ZNF790: variants seen among roughly 807,000 people sequenced by gnomAD.
ZNF790 encodes the protein zinc finger protein 790.
In ZNF790, 8 loss-of-function variants were observed where a neutral mutation model predicts 12.1. The ratio of observed to expected loss-of-function variants is 0.66; its 90% CI spans 0.39 to 1.19. The LOEUF is 1.19. ZNF790 is among the 50% of genes most tolerant of loss of function. The probability of loss-of-function intolerance (pLI) is 0.01; values close to 1 mark genes in which losing one functional copy is unlikely to be tolerated. For synonymous variants in ZNF790, 252 were observed against 244.3 expected (o/e 1.03, Z -0.29); for missense variants, 707 against 752.2 (o/e 0.94, Z 0.70).
intron 1 of ZNF790, among the ~76,000 whole-genome samples, chr19:36,847,043 CAG>C (rs35135243): frequency 0.26 from 38,953 of 152,040 alleles, 5,420 homozygotes; most frequent in Non-Finnish European, 0.32. Flanking sequence ...GTTTCCTAAA[CAG>C]AGTATTTTCT....
At position 36,819,918 on chromosome 19, in the gene ZNF790, T is replaced by C; in HGVS notation, c.426A>G (p.Ile142Met). The C allele has an allele frequency of 6.2e-7, 1 of 1,614,170 alleles. No individual in the cohort carries two copies. The highest frequency in any genetic ancestry group is 8.5e-7 in the Non-Finnish European group (1 of 1,180,008). Residue 142 changes from isoleucine (I) to methionine (M), a missense_variant, in exon 5 of 5, where the codon ATA (isoleucine) becomes ATG (methionine). Coordinates refer to ENST00000356725, the MANE Select transcript of ZNF790 (RefSeq NM_206894.4). ...DNQEECFKQV[I>M]RTCEKRPTFN... ...AAGTGGGCCTTTTTTCACAGGTGCG[T>C]ATCACCTGCTTGAAGCATTCCTCTT...
chr19:36,817,652 G>C lies in ZNF790; in HGVS notation c.*781C>G, dbSNP rs1397741180. The C allele has an allele frequency of 7.2e-6, 1 of 139,808 alleles. No homozygotes were observed. Among genetic ancestry groups the C allele is most frequent in the Admixed American group, 7.2e-5 (1 of 13,916 alleles). 8.7% of individuals were successfully genotyped at this position (139,808 alleles called of 1,614,324 possible). The stretch of plus-strand genomic sequence containing the variant: ...TACGATTAAACAGACATAGATTTAA[G>C]ATACTTTCCAAAAAAAAAAAATAGA... On this transcript the variant is annotated 3_prime_UTR_variant, in exon 5 of 5. Coordinates refer to ENST00000356725, the MANE Select transcript of ZNF790 (RefSeq NM_206894.4).
chr19:36,831,310 C>A (rs1157881823), intron 1 of ZNF790, among the ~76,000 whole-genome samples: 3 of 151,704 alleles, frequency 2.0e-5, no homozygotes, highest in Non-Finnish European at 4.4e-5. Flanking sequence ...AAAAGCAGAC[C>A]ACAAGCAAAA....
rs747995547 is a variant in ZNF790, at chr19:36,838,129, T to TACACACACAC, written c.-74+198_-74+207dup. On this transcript the variant is annotated intron_variant, in intron 1 of 4. Coordinates refer to ENST00000356725, the MANE Select transcript of ZNF790 (RefSeq NM_206894.4). This position sits in a 1 kb window ranked among gnomAD's most constrained non-coding sequence, Gnocchi z 4.4. ...GCGCACACACACACACACACACACA[T>TACACACACAC]ACACACACACACACACAAGCTCCCG... The TACACACACAC allele has an allele frequency of 2.9e-3, 190 of 66,434 alleles. 2 individuals carry two copies. Among genetic ancestry groups the TACACACACAC allele is most frequent in the African/African-American group, 0.011 (182 of 15,986 alleles). The allele number at this position is 66,434 out of a possible 1,614,324, so 4.1% of individuals were successfully genotyped here.
intron 1 of ZNF790, among the ~76,000 whole-genome samples, chr19:36,828,587 C>A (rs759428265): frequency 8.5e-5 from 13 of 152,180 alleles, no homozygotes; most frequent in Non-Finnish European, 1.9e-4. Flanking sequence ...AGCGATCCTT[C>A]CACCTCAGTC....
In ZNF790 at chr19:36,818,456, A is replaced by C. The variant is rs750152205; in HGVS notation, c.1888T>G (p.Ser630Ala). The change falls in exon 5 of 5, where the codon TCT (serine) becomes GCT (alanine). Residue 630 changes from serine (S) to alanine (A), a missense_variant. Physicochemically the swap from Ser to Ala is moderately conservative, Grantham distance 99. Coordinates refer to ENST00000356725, the MANE Select transcript of ZNF790 (RefSeq NM_206894.4). ...TTTCACAAGAGTGAAATGAAGTGAGAGCTTGAAGAAAATGCTTTCTCAAAA... is the reference window on the plus strand; with the variant it reads ...TTTCACAAGAGTGAAATGAAGTGAGCGCTTGAAGAAAATGCTTTCTCAAAA... The part of the protein sequence containing the change: ...KDFEKAFSSS[S>A]HFISLL 3 of 1,560,908 alleles carry C rather than the reference A, an allele frequency of 1.9e-6. No homozygotes were observed. The highest frequency in any genetic ancestry group is 2.6e-6 in the Non-Finnish European group (3 of 1,150,538).
intron 2 of ZNF790, 145 bp downstream of exon 2, chr19:36,825,466 A>G (rs536268393): frequency 4.9e-4 from 440 of 892,010 alleles, no homozygotes; most frequent in Non-Finnish European, 7.5e-4. Flanking sequence ...AGGGATATCT[A>G]GGGAAAGCAT....
At chr19:36,822,106 A>G (rs1036738538) in intron 4 of ZNF790, among the ~76,000 whole-genome samples, 2 of 152,200 alleles carry the variant, frequency 1.3e-5, no homozygotes, top group African/African-American at 4.8e-5. Context: ...TTAAGAGACA[A>G]TATATTCTTG....
chr19:36,841,827 G>C (rs934357341), upstream of ZNF790, among the ~76,000 whole-genome samples: 3 of 128,276 alleles, frequency 2.3e-5, no homozygotes, highest in African/African-American at 8.7e-5. Flanking sequence ...GCAGCCTGGA[G>C]GACATAGCAA....
At chr19:36,850,670 A>G (rs1225941062), upstream of ZNF790, 1 of 151,904 alleles carries the variant, frequency 6.6e-6, no homozygotes, top group Non-Finnish European at 1.5e-5. Flanking sequence ...GTCAGGTGAG[A>G]CTCCCGGAAG....
intron 1 of ZNF790, among the ~76,000 whole-genome samples, chr19:36,847,119 G>A (rs765698082): frequency 1.3e-5 from 2 of 152,096 alleles, no homozygotes; most frequent in Non-Finnish European, 2.9e-5. Context: ...ACTTTGAGAG[G>A]CCAAGGCAGG....
chr19:36,828,580 G>A (rs1396580703), intron 1 of ZNF790, among the ~76,000 whole-genome samples: 2 of 152,158 alleles, frequency 1.3e-5, no homozygotes, highest in African/African-American at 4.8e-5. Context: ...AGGCTGAAGC[G>A]ATCCTTCCAC....
At chr19:36,822,077 G>A (rs2071685634) in intron 4 of ZNF790, among the ~76,000 whole-genome samples, 1 of 152,096 alleles carries the variant, frequency 6.6e-6, no homozygotes, top group African/African-American at 2.4e-5. Context: ...TCCAATCACA[G>A]AAGAGAACAA....
In ZNF790 at chr19:36,819,714, A is replaced by G. The variant is rs139547170; in HGVS notation, c.630T>C (p.Asp210=). ...DKECGNTFLP[D]SEVIQYQTVH... is the part of the protein sequence containing the mutation. ...CTGTCTGATATTGAATAACTTCTGA[A>G]TCAGGAAGAAAGGTATTCCCACATT... The change falls in exon 5 of 5, where the codon GAT becomes GAC. Residue 210 remains aspartate (D), a synonymous_variant. Coordinates refer to ENST00000356725, the MANE Select transcript of ZNF790 (RefSeq NM_206894.4). The G allele has an allele frequency of 1.2e-6, 2 of 1,613,578 alleles. No homozygotes were observed. The highest frequency in any genetic ancestry group is 2.7e-5 in the African/African-American group (2 of 74,930).
chr19:36,823,166 A>G, intron 4 of ZNF790, 119 bp downstream of exon 4: 1 of 846,014 alleles, frequency 1.2e-6, no homozygotes, highest in South Asian at 1.8e-5. Context: ...CACCCGGCCC[A>G]TTTTTTGGTC....
intron 1 of ZNF790, among the ~76,000 whole-genome samples, chr19:36,834,294 C>T (rs1001508539): frequency 2.3e-4 from 34 of 146,480 alleles, no homozygotes; most frequent in African/African-American, 6.1e-4. Flanking sequence ...GCAAACCTTA[C>T]GCTAGGAGAC....
intron 1 of ZNF790, among the ~76,000 whole-genome samples, chr19:36,832,354 A>G (rs1293829279): frequency 1.3e-5 from 2 of 152,186 alleles, no homozygotes; most frequent in African/African-American, 4.8e-5. Flanking sequence ...CCTATACTGA[A>G]TAGGATTAAC....
At chr19:36,823,854 A>C (rs2071731694) in intron 2 of ZNF790, 64 bp from the exon 3 acceptor site, 19 of 1,473,016 alleles carry the variant, frequency 1.3e-5, no homozygotes, top group Non-Finnish European at 1.6e-5. Context: ...TAATCCCTAT[A>C]GATGAAAGGG....
At chr19:36,834,965 T>G (rs1210069941) in intron 1 of ZNF790, among the ~76,000 whole-genome samples, 1 of 152,128 alleles carries the variant, frequency 6.6e-6, no homozygotes, top group East Asian at 1.9e-4. Context: ...AACAACAACT[T>G]TCATAAAGCA....
Sources: gnomAD v4.1 joint callset for allele counts (sites outside exome capture counted in the v4.1 genomes callset) on GRCh38, gnomAD v4.1.1 for gene constraint, Gnocchi (gnomAD v3.1) non-coding constraint, MANE v1.5 for transcripts, NCBI Gene and HGNC (gene_info 2026-07-23, HGNC 2026-07-21) for gene names.